VPS54: variants seen among roughly 807,000 people sequenced by gnomAD.
VPS54 encodes the protein VPS54 subunit of GARP complex, also known as vacuolar protein sorting-associated protein 54.
In VPS54, 45 loss-of-function variants were observed where a neutral mutation model predicts 121.5. That is an observed-to-expected ratio of 0.37 (90% CI 0.29 to 0.47). The LOEUF is 0.47. Among genes scored for constraint, VPS54 ranks in the 20% least tolerant of loss-of-function variants. The probability of loss-of-function intolerance (pLI) is 0.99; values close to 1 mark genes in which losing one functional copy is unlikely to be tolerated. For synonymous variants in VPS54, 371 were observed against 385.8 expected, an observed-to-expected ratio of 0.96 and a Z score of 0.45; for missense variants, 1,090 against 1,131.4, an observed-to-expected ratio of 0.96 and a Z score of 0.52.
At position 63,995,222 on chromosome 2, in the gene VPS54, C is replaced by CAA. The variant is rs1165715463; in HGVS notation, c.-20-11205_-20-11204dup. On this transcript the variant is annotated intron_variant, in intron 1 of 22. Transcript: ENST00000272322. The stretch of plus-strand genomic sequence containing the variant: ...TTTACTTACCTCCAACCTGTTTCCA[C>CAA]AAAGAGTTGTGTTAAGCCTCCTTAC... Among the ~76,000 whole-genome samples, 5 of 152,362 alleles carry CAA rather than the reference C, an allele frequency of 3.3e-5. No homozygotes were observed. In the East Asian group the frequency reaches 9.6e-4, roughly 29 times the overall value.
intron 1 of VPS54, among the ~76,000 whole-genome samples, chr2:64,017,571 G>A (rs1678767133): frequency 6.6e-6 from 1 of 152,094 alleles, no homozygotes; most frequent in Admixed American, 6.5e-5. Context: ...AAAGCCAAAT[G>A]CTGTAGTAAC....
intron 1 of VPS54, among the ~76,000 whole-genome samples, chr2:63,990,300 G>A (rs1047820738): frequency 6.6e-6 from 1 of 151,998 alleles, no homozygotes; most frequent in Non-Finnish European, 1.5e-5. Context: ...TTTTCACGAA[G>A]AGCCAGTACT....
intron 1 of VPS54, among the ~76,000 whole-genome samples, chr2:63,993,638 C>T (rs1677436010): frequency 6.6e-6 from 1 of 152,186 alleles, no homozygotes; most frequent in South Asian, 2.1e-4. Flanking sequence ...TTTAAATCGG[C>T]TCGAAGTTCA....
At chr2:64,018,405 T>C (rs541325460) in intron 1 of VPS54, among the ~76,000 whole-genome samples, 2 of 152,340 alleles carry the variant, frequency 1.3e-5, no homozygotes, top group South Asian at 2.1e-4. Flanking sequence ...CTGCCCTTTC[T>C]GTCTATGCAG....
intron 12 of VPS54, among the ~76,000 whole-genome samples, chr2:63,927,603 T>G (rs759491632): frequency 1.4e-4 from 21 of 152,056 alleles, no homozygotes; most frequent in Non-Finnish European, 2.5e-4. Flanking sequence ...ATACCTCTTC[T>G]CCTCCAAAGG....
Position 63,965,901 on chromosome 2 carries a change from A to G in VPS54, c.558T>C (p.Ser186=), listed in dbSNP as rs761772820. Residue 186 remains serine, a synonymous_variant, in exon 6 of 23, where the codon TCT becomes TCC. Coordinates refer to ENST00000272322, the MANE Select transcript of VPS54 (RefSeq NM_016516.3). ...CTTTTCCACCAGCAGTATTAAAATG[A>G]GACCATGGTAAAACTGAATTAAAAG... The part of the protein sequence containing the change: ...SLTFNSVLPW[S]HFNTAGGKGN... The G allele has an allele frequency of 1.2e-6, 2 of 1,613,154 alleles. No individual in the cohort carries two copies. The highest frequency in any genetic ancestry group is 4.5e-5 in the East Asian group (2 of 44,800).
chr2:63,906,415 A>G (rs1672905339), intron 20 of VPS54, among the ~76,000 whole-genome samples: 1 of 152,256 alleles, frequency 6.6e-6, no homozygotes, highest in Non-Finnish European at 1.5e-5. Context: ...AAAAAAAGAT[A>G]CCATGTACAA....
chr2:63,933,929 G>C lies in VPS54; in HGVS notation c.1483C>G (p.Gln495Glu). Residue 495 changes from glutamine (Q) to glutamate (E), a missense_variant, in exon 12 of 23, where the codon CAG becomes GAG. Gln to Glu is a conservative substitution (Grantham distance 29). Transcript: ENST00000272322. ...RTRELEEISQ[Q>E]KNAAKDNSLD... ...GAATTATCTTTTGCAGCATTCTTCTGTTGTGAAATCTCTTCCAATTCTCTA... is the reference window on the plus strand; with the variant it reads ...GAATTATCTTTTGCAGCATTCTTCTCTTGTGAAATCTCTTCCAATTCTCTA... 6.2e-7 allele frequency: 1 copy of C among 1,613,650 alleles called. No individual in the cohort carries two copies. The highest frequency in any genetic ancestry group is 1.7e-5 in the Admixed American group (1 of 59,908).
intron 1 of VPS54, among the ~76,000 whole-genome samples, chr2:64,010,993 C>G (rs1271345362): frequency 1.3e-5 from 2 of 152,090 alleles, no homozygotes; most frequent in Middle Eastern, 3.2e-3. Context: ...AATGCATGCG[C>G]TTCCTAAAGT....
intron 7 of VPS54, among the ~76,000 whole-genome samples, chr2:63,949,413 T>C (rs1190487107): frequency 1.3e-5 from 2 of 152,178 alleles, no homozygotes; most frequent in Non-Finnish European, 2.9e-5. Context: ...ACCAGTGCAA[T>C]CAGAAATCTG....
chr2:63,968,736 G>A (rs1676128740), intron 5 of VPS54, among the ~76,000 whole-genome samples: 1 of 147,858 alleles, frequency 6.8e-6, no homozygotes, highest in Admixed American at 6.8e-5. Context: ...AGAAAGAACA[G>A]AAAAGCAGAA....
Position 63,981,878 on chromosome 2 carries a change from T to C in VPS54, c.146A>G (p.His49Arg). 2 of 1,609,476 alleles carry C rather than the reference T, an allele frequency of 1.2e-6. No homozygotes were observed. Among genetic ancestry groups the C allele is most frequent in the African/African-American group, 1.3e-5 (1 of 74,864 alleles). The change falls in exon 3 of 23, where the codon CAT becomes CGT. Residue 49 changes from histidine (H) to arginine (R), a missense_variant. Transcript: ENST00000272322. ...VCPKEPTGDS[H>R]SLYVAPSLVT... ...TAGAGATGGGGCAACATATAAACTATGTGAATCACCTGCAAAAAGTAAACA... is the reference window on the plus strand; with the variant it reads ...TAGAGATGGGGCAACATATAAACTACGTGAATCACCTGCAAAAAGTAAACA...
Position 63,933,997 on chromosome 2 carries a change from A to G in VPS54, c.1415T>C (p.Ile472Thr). 6.2e-7 allele frequency: 1 copy of G among 1,611,760 alleles called. No homozygotes were observed. Among genetic ancestry groups the G allele is most frequent in the East Asian group, 2.2e-5 (1 of 44,816 alleles). The change falls in exon 12 of 23, where the codon ATT (isoleucine) becomes ACT (threonine). Residue 472 changes from isoleucine (I) to threonine (T), a missense_variant. By Grantham distance (89) the Ile-to-Thr change is moderately conservative. Around this residue, in one of 2 missense-constraint regions of VPS54, gnomAD observed 801 missense variants for 757.0 expected, o/e 1.06. Transcript: ENST00000272322. ...LQRVKATLNI[I>T]HSVVLSVLDK... is the part of the protein sequence containing the mutation. ...AAGAACTGAGAGAACAACACTGTGA[A>G]TGATATTTAATGTTGCCTACAAGAA...
At chr2:63,912,810 C>G (rs1455932431) in intron 18 of VPS54, 149 bp from the exon 19 acceptor site, 1 of 983,258 alleles carries the variant, frequency 1.0e-6, no homozygotes, top group African/African-American at 1.7e-5. Context: ...CAGAAGGCAA[C>G]ATATTTCATT....
intron 7 of VPS54, among the ~76,000 whole-genome samples, 173 bp from the exon 8 acceptor site, chr2:63,949,336 T>C (rs1675132278): frequency 6.6e-6 from 1 of 152,286 alleles, no homozygotes; most frequent in East Asian, 1.9e-4. Context: ...AAACATTTCA[T>C]CTTCTAAATT....
chr2:63,932,329 A>G (rs1674249439), intron 12 of VPS54, among the ~76,000 whole-genome samples: 1 of 152,150 alleles, frequency 6.6e-6, no homozygotes. Flanking sequence ...ATGCAGCCAT[A>G]AAAAAGGATG....
intron 1 of VPS54, among the ~76,000 whole-genome samples, chr2:63,992,936 A>C (rs1677397556): frequency 6.6e-6 from 1 of 152,222 alleles, no homozygotes; most frequent in African/African-American, 2.4e-5. Context: ...GGGAATGCTA[A>C]ATAGCCCTAC....
At chr2:63,933,183 A>C (rs1053947800) in intron 12 of VPS54, among the ~76,000 whole-genome samples, 3 of 141,440 alleles carry the variant, frequency 2.1e-5, no homozygotes, top group African/African-American at 7.4e-5. Context: ...ATTTCAAAAT[A>C]AGAAGTTTTT....
chr2:63,999,303 TTTTG>T (rs1479233184), intron 1 of VPS54, among the ~76,000 whole-genome samples: 2 of 152,228 alleles, frequency 1.3e-5, no homozygotes, highest in Non-Finnish European at 2.9e-5. Context: ...ATCCCTTGGC[TTTTG>T]TTTGTCTGGG....
Sources: gnomAD v4.1 joint callset for allele counts (sites outside exome capture counted in the v4.1 genomes callset) on GRCh38, gnomAD v4.1.1 for gene constraint, gnomAD v4.1.1 regional missense constraint, MANE v1.5 for transcripts, NCBI Gene and HGNC (gene_info 2026-07-23, HGNC 2026-07-21) for gene names.